Variants in FAM13A observed in about 807,000 individuals in gnomAD.
FAM13A encodes the protein protein FAM13A.
In FAM13A, 76 loss-of-function variants were observed where a neutral mutation model predicts 129.6. The observed-to-expected ratio is 0.59, with a 90% CI of 0.49 to 0.71. FAM13A has a LOEUF of 0.71. FAM13A is among the 30% of genes least tolerant of loss of function. The probability of loss-of-function intolerance (pLI) is 0.00; values close to 1 mark genes in which losing one functional copy is unlikely to be tolerated. For synonymous variants in FAM13A, 443 were observed against 449.9 expected (o/e 0.98, Z 0.20); for missense variants, 1,108 against 1,249.3 (o/e 0.89, Z 1.70).
At chr4:88,978,659 T>G (rs1761236412) in intron 4 of FAM13A, among the ~76,000 whole-genome samples, 1 of 151,808 alleles carries the variant, frequency 6.6e-6, no homozygotes, top group Non-Finnish European at 1.5e-5. Flanking sequence ...CTGGGCGTGG[T>G]GGTGGGCGCC....
intron 13 of FAM13A, among the ~76,000 whole-genome samples, chr4:88,764,742 A>G (rs1340457746): frequency 2.0e-5 from 3 of 152,182 alleles, no homozygotes; most frequent in African/African-American, 7.2e-5. Context: ...AGGATATTTT[A>G]TTAAAATGTC....
chr4:88,754,627 T>G (rs1275637681), intron 14 of FAM13A, among the ~76,000 whole-genome samples: 3 of 152,200 alleles, frequency 2.0e-5, no homozygotes, highest in Non-Finnish European at 2.9e-5. Context: ...GATGTAAGCC[T>G]CATGGTGGAG....
chr4:88,876,133 G>A (rs566188418), intron 6 of FAM13A, among the ~76,000 whole-genome samples: 1 of 152,214 alleles, frequency 6.6e-6, no homozygotes, highest in East Asian at 1.9e-4. Flanking sequence ...CCACACCAGG[G>A]CCTGTCCTGG....
intron 2 of FAM13A, among the ~76,000 whole-genome samples, chr4:89,023,728 A>T (rs746017546): frequency 1.3e-5 from 2 of 152,218 alleles, no homozygotes; most frequent in African/African-American, 4.8e-5. Flanking sequence ...TCTTATGATA[A>T]TTCGTGATGT....
intron 4 of FAM13A, among the ~76,000 whole-genome samples, chr4:88,983,628 C>G (rs1398541926): frequency 6.6e-6 from 1 of 152,008 alleles, no homozygotes; most frequent in East Asian, 1.9e-4. Flanking sequence ...AACCATAAAA[C>G]AGTATTGAAA....
intron 4 of FAM13A, among the ~76,000 whole-genome samples, chr4:88,951,727 C>T (rs1264542458): frequency 6.6e-6 from 1 of 152,186 alleles, no homozygotes; most frequent in African/African-American, 2.4e-5. Context: ...GTTCCTCTCT[C>T]CCATCAAAAT....
At chr4:88,852,019 T>C (rs1307272849) in intron 6 of FAM13A, among the ~76,000 whole-genome samples, 1 of 152,214 alleles carries the variant, frequency 6.6e-6, no homozygotes, top group Non-Finnish European at 1.5e-5. Context: ...TTCTTGTCTC[T>C]AGGATTTTTC....
intron 6 of FAM13A, among the ~76,000 whole-genome samples, chr4:88,900,602 G>A (rs1319674820): frequency 6.6e-6 from 1 of 152,048 alleles, no homozygotes; most frequent in Admixed American, 6.6e-5. Context: ...AATTCCAAGG[G>A]AATTTGTCAC....
Position 89,028,706 on chromosome 4 carries a change from G to C in FAM13A, c.217+754C>G, listed in dbSNP as rs145643991. The stretch of plus-strand genomic sequence containing the variant: ...ACCCTATCTCTTAAAAAAAGATGTA[G>C]GCACATGTATACATATGTAACTAAC... On this transcript the variant is annotated intron_variant, in intron 2 of 23. Coordinates refer to ENST00000264344, the MANE Select transcript of FAM13A (RefSeq NM_014883.4). Among the ~76,000 whole-genome samples the C allele has an allele frequency of 2.1e-3, 314 of 150,418 alleles. 1 individual carries two copies. Among genetic ancestry groups the C allele is most frequent in the Middle Eastern group, 0.01 (3 of 286 alleles).
intron 19 of FAM13A, among the ~76,000 whole-genome samples, chr4:88,741,990 T>C (rs1740366501): frequency 1.3e-5 from 2 of 152,180 alleles, no homozygotes; most frequent in African/African-American, 2.4e-5. Flanking sequence ...ACACAAGATA[T>C]AGAATATGTT....
rs551928982 is a variant in FAM13A at position 88,974,733 on chromosome 4, G to A, written c.605+16240C>T. Among the ~76,000 whole-genome samples, 4 of 152,216 alleles carry A rather than the reference G, an allele frequency of 2.6e-5. No homozygotes were observed. In the East Asian group the frequency reaches 5.8e-4, roughly 22 times the overall value. ...ACTAGTTAAGAAGTTATCAAAGAGG[G>A]GAAACTAGTTAAGAAGTTATCAAAA... On this transcript the variant is annotated intron_variant, in intron 4 of 23. Transcript: ENST00000264344.
At chr4:88,902,460 A>G (rs1200268711) in intron 6 of FAM13A, among the ~76,000 whole-genome samples, 1 of 152,174 alleles carries the variant, frequency 6.6e-6, no homozygotes, top group Non-Finnish European at 1.5e-5. Context: ...AACATGCACA[A>G]ATCAGTAAAT....
intron 7 of FAM13A, 45 bp downstream of exon 7, chr4:88,850,975 C>T (rs780442638): frequency 2.7e-5 from 43 of 1,583,334 alleles, no homozygotes; most frequent in Middle Eastern, 1.7e-4. Flanking sequence ...AACATAAGAG[C>T]GAATAATGCA....
intron 3 of FAM13A, among the ~76,000 whole-genome samples, chr4:89,004,321 T>C (rs1764702531): frequency 6.6e-6 from 1 of 152,154 alleles, no homozygotes; most frequent in Non-Finnish European, 1.5e-5. Flanking sequence ...GTATTTTTAG[T>C]AGAGATGGGG....
intron 1 of FAM13A, among the ~76,000 whole-genome samples, chr4:89,031,886 C>T (rs549133704): frequency 6.6e-4 from 100 of 152,108 alleles, no homozygotes; most frequent in African/African-American, 1.7e-3. Context: ...TAGAAATTCA[C>T]GAGGTTTTCT....
intron 4 of FAM13A, among the ~76,000 whole-genome samples, chr4:88,966,810 C>A (rs1579539582): frequency 6.6e-6 from 1 of 152,098 alleles, no homozygotes; most frequent in East Asian, 1.9e-4. Context: ...TTAGCTCATG[C>A]AAAATGAAAC....
At position 88,732,357 on chromosome 4, in the gene FAM13A, AC is replaced by A. The variant is rs1472830230; in HGVS notation, c.2647-160del. The A allele has an allele frequency of 1.4e-5, 7 of 502,838 alleles. No homozygotes were observed. In the East Asian group the frequency reaches 1.9e-4, roughly 13 times the overall value. The allele number at this position is 502,838 out of a possible 1,614,324, so 31.1% of individuals were successfully genotyped here. A position where few individuals can be genotyped will look rare whatever the true frequency, so the allele number is the denominator to read the frequency against. ...ATGTACATTACAGATATATTATTGA[AC>A]ATCTGTATTCGATATAAATATACAC... On this transcript the variant is annotated intron_variant, in intron 21 of 23. Coordinates refer to ENST00000264344, the MANE Select transcript of FAM13A (RefSeq NM_014883.4).
At chr4:88,909,416 T>C (rs541411929) in intron 5 of FAM13A, among the ~76,000 whole-genome samples, 4 of 152,292 alleles carry the variant, frequency 2.6e-5, no homozygotes, top group East Asian at 3.9e-4. Flanking sequence ...AGAAAGTAGA[T>C]TGGTTATTGC....
intron 21 of FAM13A, 76 bp from the exon 22 acceptor site, chr4:88,732,274 A>G: frequency 9.6e-7 from 1 of 1,040,228 alleles, no homozygotes; most frequent in Non-Finnish European, 1.4e-6. Flanking sequence ...ATCATTTAAT[A>G]ATCATTTAAT....
Sources: gnomAD v4.1 joint callset for allele counts (sites outside exome capture counted in the v4.1 genomes callset) on GRCh38, gnomAD v4.1.1 for gene constraint, MANE v1.5 for transcripts, NCBI Gene and HGNC (gene_info 2026-07-23, HGNC 2026-07-21) for gene names.